PHF20: variants seen among roughly 807,000 people sequenced by gnomAD.
PHF20 encodes the protein glioma-expressed antigen 2.
A neutral mutation model predicts 113.5 loss-of-function variants in PHF20; 23 were observed. That is an observed-to-expected ratio of 0.20 (90% CI 0.15 to 0.29). The LOEUF (loss-of-function observed/expected upper bound fraction) is 0.29. Ranked by LOEUF, PHF20 falls within the 10% of genes least tolerant of loss-of-function variation. The pLI, the probability that PHF20 is intolerant of heterozygous loss-of-function variation, is 1.00. For missense variants in PHF20, 943 were observed against 1,219.6 expected (o/e 0.77, Z 3.38); for synonymous variants, 434 against 457.3 (o/e 0.95, Z 0.65).
At chr20:35,937,724 G>C (rs11699899) in intron 15 of PHF20, among the ~76,000 whole-genome samples, 14,832 of 152,226 alleles carry the variant, frequency 0.097, 779 homozygotes, top group South Asian at 0.15. Context: ...TCCAGGGCTA[G>C]TTCAAAATAT....
At position 35,871,797 on chromosome 20, in the gene PHF20, T is replaced by A; in HGVS notation, c.1250T>A (p.Leu417His). 1 of 1,612,284 alleles carries A rather than the reference T, an allele frequency of 6.2e-7. No individual in the cohort carries two copies. The highest frequency in any genetic ancestry group is 8.5e-7 in the Non-Finnish European group (1 of 1,179,068). ...NTMKTEPTSP[L>H]VELQEISTVE... ...ATGAAAACAGAACCGACTTCTCCCC[T>A]TGTGGAATTACAAGAGATTTCGACT... The change falls in exon 9 of 18, where the codon CTT becomes CAT. Residue 417 changes from leucine (L) to histidine (H), a missense_variant. This residue lies in a region of PHF20 where 592 missense variants were observed against 787.2 expected (regional missense o/e 0.75). Coordinates refer to ENST00000374012, the MANE Select transcript of PHF20 (RefSeq NM_016436.5).
chr20:35,845,566 T>C (rs1334207038), intron 3 of PHF20: 2 of 160,848 alleles, frequency 1.2e-5, no homozygotes, highest in African/African-American at 4.8e-5. Flanking sequence ...CAAGGTCTTA[T>C]TATGTTGCCC....
chr20:35,795,492 C>T (rs1463688871), intron 1 of PHF20, among the ~76,000 whole-genome samples: 2 of 152,066 alleles, frequency 1.3e-5, no homozygotes, highest in African/African-American at 2.4e-5. Flanking sequence ...CCACTTTGCC[C>T]TCCCAAAGTG....
At chr20:35,826,138 G>A (rs2042257873) in intron 2 of PHF20, among the ~76,000 whole-genome samples, 1 of 152,154 alleles carries the variant, frequency 6.6e-6, no homozygotes, top group South Asian at 2.1e-4. Flanking sequence ...TCCGCCTCCT[G>A]GGTTCAAGTG....
chr20:35,875,569 A>G (rs2054506942), intron 9 of PHF20, among the ~76,000 whole-genome samples: 1 of 152,046 alleles, frequency 6.6e-6, no homozygotes, highest in African/African-American at 2.4e-5. Flanking sequence ...TCTTAGTGTC[A>G]GGGCTCTTTT....
Position 35,913,355 on chromosome 20 carries a change from T to A in PHF20, c.1660+8T>A. On this transcript the variant is annotated splice_region_variant and intron_variant, in intron 11 of 17. Transcript: ENST00000374012. The stretch of plus-strand genomic sequence containing the variant: ...AAAAGAAAACCAAACCTGGTAATTT[T>A]TTTTCCTGAGGGTTTCACTTAGGTT... The A allele has an allele frequency of 6.3e-7, 1 of 1,580,336 alleles. No individual in the cohort carries two copies. The highest frequency in any genetic ancestry group is 8.6e-7 in the Non-Finnish European group (1 of 1,159,560).
intron 9 of PHF20, among the ~76,000 whole-genome samples, chr20:35,886,898 G>A (rs1288994026): frequency 6.6e-6 from 1 of 152,194 alleles, no homozygotes; most frequent in Non-Finnish European, 1.5e-5. Context: ...AGTTGCTGGA[G>A]CAGGAGCTGA....
intron 2 of PHF20, among the ~76,000 whole-genome samples, chr20:35,813,608 C>G (rs939276400): frequency 1.3e-5 from 2 of 152,092 alleles, no homozygotes; most frequent in Non-Finnish European, 2.9e-5. Flanking sequence ...GCCTGTAATC[C>G]CAGCACTTTG....
intron 9 of PHF20, among the ~76,000 whole-genome samples, chr20:35,898,103 G>A (rs2055023755): frequency 6.6e-6 from 1 of 151,358 alleles, no homozygotes; most frequent in African/African-American, 2.4e-5. Flanking sequence ...CCGAACTCCT[G>A]ACCTCAGGTG....
chr20:35,803,950 G>C (rs1197723250), intron 2 of PHF20, among the ~76,000 whole-genome samples: 1 of 151,880 alleles, frequency 6.6e-6, no homozygotes, highest in African/African-American at 2.4e-5. Flanking sequence ...CAACTCCTGG[G>C]CTCAAGTGAT....
intron 1 of PHF20, among the ~76,000 whole-genome samples, chr20:35,779,919 A>G (rs2041252272): frequency 6.6e-6 from 1 of 152,164 alleles, no homozygotes; most frequent in Non-Finnish European, 1.5e-5. Flanking sequence ...TGATAACTAT[A>G]GCTAGCATTT....
At position 35,914,202 on chromosome 20, in the gene PHF20, G is replaced by C. The variant is rs753223650; in HGVS notation, c.1825+5G>C. The stretch of plus-strand genomic sequence containing the variant: ...AAGGGAAAGTGAAAGCATTGGGTAA[G>C]GAGGCTCTTCTGTCCTGATCATTTG... On this transcript the variant is annotated splice_donor_5th_base_variant and intron_variant, in intron 12 of 17. Coordinates refer to ENST00000374012, the MANE Select transcript of PHF20 (RefSeq NM_016436.5). 21 of 1,613,918 alleles carry C rather than the reference G, an allele frequency of 1.3e-5. No individual in the cohort carries two copies. The highest frequency in any genetic ancestry group is 5.0e-5 in the Admixed American group (3 of 60,004).
intron 13 of PHF20, among the ~76,000 whole-genome samples, chr20:35,922,486 T>C (rs2055537430): frequency 6.6e-6 from 1 of 152,210 alleles, no homozygotes; most frequent in African/African-American, 2.4e-5. Flanking sequence ...TGTATTACTA[T>C]AGAGAAATAA....
chr20:35,947,838 A>G lies in PHF20; in HGVS notation c.*211A>G. ...CTCGAAGCCTGCCATAAAGGTAGCA[A>G]ATAGACTCTTGGGATTCCCCTCTTC... On this transcript the variant is annotated 3_prime_UTR_variant, in exon 18 of 18. Transcript: ENST00000374012. 1 of 541,500 alleles carries G rather than the reference A, an allele frequency of 1.8e-6. No individual in the cohort carries two copies. The highest frequency in any genetic ancestry group is 2.4e-5 in the South Asian group (1 of 41,180). The allele number at this position is 541,500 out of a possible 1,614,324, so 33.5% of individuals were successfully genotyped here. A position where few individuals can be genotyped will look rare whatever the true frequency, so the allele number is the denominator to read the frequency against.
At chr20:35,908,024 C>A (rs2055231855) in intron 10 of PHF20, among the ~76,000 whole-genome samples, 1 of 152,194 alleles carries the variant, frequency 6.6e-6, no homozygotes. Flanking sequence ...AACTAAGGTG[C>A]AGATGAGATG....
intron 9 of PHF20, among the ~76,000 whole-genome samples, chr20:35,881,785 A>G (rs1365711005): frequency 6.6e-6 from 1 of 152,170 alleles, no homozygotes; most frequent in East Asian, 1.9e-4. Context: ...TTCAACTAAC[A>G]TTCTTGTCTC....
chr20:35,912,246 G>A (rs1391956110), intron 10 of PHF20, among the ~76,000 whole-genome samples: 3 of 152,110 alleles, frequency 2.0e-5, no homozygotes, highest in Non-Finnish European at 1.5e-5. Flanking sequence ...CCAAAGTGCT[G>A]GGATTACAGG....
At chr20:35,825,036 T>C (rs1365164806) in intron 2 of PHF20, among the ~76,000 whole-genome samples, 1 of 152,226 alleles carries the variant, frequency 6.6e-6, no homozygotes, top group African/African-American at 2.4e-5. Context: ...AGTACACATT[T>C]GTGTGGACAT....
chr20:35,811,997 T>C (rs1159352239), intron 2 of PHF20, among the ~76,000 whole-genome samples: 1 of 151,280 alleles, frequency 6.6e-6, no homozygotes, highest in African/African-American at 2.4e-5. Context: ...ATGGTCTCGA[T>C]CTCCTGACCT....
Sources: gnomAD v4.1 joint callset for allele counts (sites outside exome capture counted in the v4.1 genomes callset) on GRCh38, gnomAD v4.1.1 for gene constraint, gnomAD v4.1.1 regional missense constraint, MANE v1.5 for transcripts, NCBI Gene and HGNC (gene_info 2026-07-23, HGNC 2026-07-21) for gene names.